XRN1: variants seen among roughly 807,000 people sequenced by gnomAD.
The protein encoded by XRN1 is 5'-3' exoribonuclease 1, also known as strand-exchange protein 1 homolog.
A neutral mutation model predicts 222.3 loss-of-function variants in XRN1; 67 were observed. The ratio of observed to expected loss-of-function variants is 0.30; its 90% CI spans 0.25 to 0.37. The LOEUF (loss-of-function observed/expected upper bound fraction) is 0.37. XRN1 is among the 10% of genes least tolerant of loss of function. The probability of loss-of-function intolerance (pLI) is 1.00; values close to 1 mark genes in which losing one functional copy is unlikely to be tolerated. For synonymous variants in XRN1, 643 were observed against 652.4 expected, an observed-to-expected ratio of 0.99 and a Z score of 0.22; for missense variants, 1,707 against 2,000.2, an observed-to-expected ratio of 0.85 and a Z score of 2.80.
intron 39 of XRN1, chr3:142,313,215 C>A: frequency 6.3e-7 from 1 of 1,592,714 alleles, no homozygotes; most frequent in Non-Finnish European, 8.6e-7. Context: ...GAAATCTCAT[C>A]ACCTTCATAT....
intron 1 of XRN1, among the ~76,000 whole-genome samples, chr3:142,443,974 A>G (rs2070375531): frequency 6.6e-6 from 1 of 152,272 alleles, no homozygotes; most frequent in Non-Finnish European, 1.5e-5. Context: ...AAATAAGTCC[A>G]GCACAGAAAG....
intron 25 of XRN1, among the ~76,000 whole-genome samples, chr3:142,373,796 T>C (rs906767079): frequency 8.5e-5 from 13 of 152,052 alleles, no homozygotes; most frequent in Non-Finnish European, 1.3e-4. Context: ...GAGACCAACG[T>C]GGTGAAACCC....
chr3:142,438,314 G>C (rs754303280), intron 1 of XRN1, among the ~76,000 whole-genome samples: 3 of 147,264 alleles, frequency 2.0e-5, no homozygotes, highest in Non-Finnish European at 3.0e-5. Context: ...TGAGCACAAA[G>C]GCAATTTTGG....
intron 37 of XRN1, among the ~76,000 whole-genome samples, chr3:142,325,336 A>T (rs2065486648): frequency 2.0e-5 from 3 of 152,078 alleles, no homozygotes; most frequent in African/African-American, 7.2e-5. Flanking sequence ...GCATTTTTTC[A>T]TATACCTGTT....
chr3:142,370,422 T>C, intron 27 of XRN1, 63 bp downstream of exon 27: 3 of 1,505,584 alleles, frequency 2.0e-6, no homozygotes, highest in South Asian at 2.6e-5. Flanking sequence ...ATGAATTATT[T>C]GTAAAGTATA....
At chr3:142,391,899 A>G (rs926733389) in intron 20 of XRN1, among the ~76,000 whole-genome samples, 2 of 151,574 alleles carry the variant, frequency 1.3e-5, no homozygotes, top group Non-Finnish European at 2.9e-5. Context: ...CTATTTTTGC[A>G]TATTTGTTTT....
rs554946326 is a variant in XRN1, at chr3:142,311,415, T to C, written c.*96A>G. 77 of 1,204,086 alleles carry C rather than the reference T, an allele frequency of 6.4e-5. No individual in the cohort carries two copies. The South Asian group carries it at 1.4e-3, about 22-fold the overall frequency. 74.6% of individuals were successfully genotyped at this position (1,204,086 alleles called of 1,614,324 possible). A position where few individuals can be genotyped will look rare whatever the true frequency, so the allele number is the denominator to read the frequency against. The stretch of plus-strand genomic sequence containing the variant: ...AAATTTCAATTTACACATATTATTT[T>C]AAAATAGTACATTCTAATTTTTATG... On this transcript the variant is annotated 3_prime_UTR_variant, in exon 41 of 41. Coordinates refer to ENST00000392981, the MANE Select transcript of XRN1 (RefSeq NM_001282857.2).
At chr3:142,380,008 G>A in intron 23 of XRN1, 74 bp downstream of exon 23, 1 of 1,120,924 alleles carries the variant, frequency 8.9e-7, no homozygotes, top group Non-Finnish European at 1.3e-6. Context: ...AAATTCAAAG[G>A]AGGTGGCAAA....
intron 20 of XRN1, among the ~76,000 whole-genome samples, chr3:142,393,872 G>T (rs945666453): frequency 1.3e-5 from 2 of 151,598 alleles, no homozygotes; most frequent in African/African-American, 2.4e-5. Context: ...TGTTGCCCAG[G>T]CTGGAGTGCA....
chr3:142,322,429 G>A (rs2065380997), intron 37 of XRN1, among the ~76,000 whole-genome samples: 1 of 152,158 alleles, frequency 6.6e-6, no homozygotes, highest in Admixed American at 6.5e-5. Context: ...GCTCATGCCT[G>A]TAATCTTAGC....
At chr3:142,416,960 C>T (rs1197520614) in intron 13 of XRN1, among the ~76,000 whole-genome samples, 180 bp downstream of exon 13, 4 of 134,940 alleles carry the variant, frequency 3.0e-5, no homozygotes, top group Admixed American at 8.4e-5. Context: ...ACCCAGGAGG[C>T]GGAGATTGCA....
At chr3:142,347,940 T>C (rs1258952326) in intron 32 of XRN1, among the ~76,000 whole-genome samples, 1 of 152,138 alleles carries the variant, frequency 6.6e-6, no homozygotes, top group African/African-American at 2.4e-5. Context: ...TAATTTTGCT[T>C]GATGTTAACA....
chr3:142,411,313 T>C (rs1025684105), intron 15 of XRN1, among the ~76,000 whole-genome samples: 1 of 152,226 alleles, frequency 6.6e-6, no homozygotes, highest in Non-Finnish European at 1.5e-5. Context: ...TGTCATTAAT[T>C]ATTCTCCATT....
chr3:142,444,218 G>A (rs892913283), intron 1 of XRN1, among the ~76,000 whole-genome samples: 1 of 152,196 alleles, frequency 6.6e-6, no homozygotes, highest in Non-Finnish European at 1.5e-5. Context: ...GCCGAGGCGG[G>A]CAGATCACTT....
chr3:142,385,272 T>C (rs1383400036), intron 20 of XRN1, among the ~76,000 whole-genome samples: 1 of 152,132 alleles, frequency 6.6e-6, no homozygotes, highest in Non-Finnish European at 1.5e-5. Context: ...ATCCATACAA[T>C]GGAATATTAT....
chr3:142,418,444 T>G, intron 12 of XRN1, 60 bp downstream of exon 12: 1 of 1,362,330 alleles, frequency 7.3e-7, no homozygotes, highest in South Asian at 1.3e-5. Context: ...TCATATTTTC[T>G]GAATAACTGC....
chr3:142,370,200 C>A (rs1419157635), intron 27 of XRN1, among the ~76,000 whole-genome samples: 1 of 151,824 alleles, frequency 6.6e-6, no homozygotes, highest in South Asian at 2.1e-4. Context: ...AATACTATGG[C>A]TTTTGTATAT....
chr3:142,369,963 C>T (rs1299491147), intron 27 of XRN1, among the ~76,000 whole-genome samples: 5 of 150,852 alleles, frequency 3.3e-5, no homozygotes, highest in African/African-American at 4.9e-5. Context: ...AGGAGAATTG[C>T]TTCAATCTGG....
intron 33 of XRN1, among the ~76,000 whole-genome samples, chr3:142,343,625 C>T (rs1236484772): frequency 6.6e-6 from 1 of 152,090 alleles, no homozygotes; most frequent in African/African-American, 2.4e-5. Flanking sequence ...CCCCTGTATA[C>T]TGTTGGTGGA....
Sources: allele counts gnomAD v4.1 joint callset (sites outside exome capture counted in the v4.1 genomes callset), GRCh38; gene constraint gnomAD v4.1.1; transcripts MANE v1.5; gene names NCBI Gene and HGNC (gene_info 2026-07-23, HGNC 2026-07-21).